The following KLF8 variants were observed in gnomAD, a reference collection of about 807,000 sequenced individuals.
KLF8 encodes the protein Krueppel-like factor 8.
Under a neutral mutation model 18.2 loss-of-function variants are expected in KLF8, and 10 were observed. The observed-to-expected ratio is 0.55, with a 90% confidence interval of 0.34 to 0.93. The LOEUF is 0.93. KLF8 is among the 40% of genes least tolerant of loss of function. The pLI is 0.02. For synonymous variants in KLF8, 109 were observed against 97.3 expected, an observed-to-expected ratio of 1.12 and a Z score of -0.71; for missense variants, 264 against 277.9, an observed-to-expected ratio of 0.95 and a Z score of 0.36.
chrX:56,284,618 G>T lies in KLF8; in HGVS notation c.*124G>T. 1 of 502,609 alleles carries T rather than the reference G, an allele frequency of 2.0e-6. No homozygotes were observed. The allele number at this position is 502,609 out of a possible 1,213,427, so 41.4% of individuals were successfully genotyped here. On this transcript the variant is annotated 3_prime_UTR_variant, in exon 6 of 6. Coordinates refer to ENST00000468660, the MANE Select transcript of KLF8 (RefSeq NM_007250.5). The stretch of plus-strand genomic sequence containing the variant: ...GGGTTGAAGCAGCCCACTGAGCCAA[G>T]TTGAGGAGACTGGAGGAAAAGAGAG...
At chrX:56,055,215 G>T in the KLF8 span, among the ~76,000 whole-genome samples, 1 of 111,856 alleles carries the variant, frequency 8.9e-6, no homozygotes. Context: ...GGCTGGTAAT[G>T]GGCTTACTTT....
the KLF8 span, among the ~76,000 whole-genome samples, chrX:56,052,992 A>G: frequency 8.9e-6 from 1 of 111,960 alleles, no homozygotes; most frequent in Non-Finnish European, 1.9e-5. Flanking sequence ...TAAGCCCGTC[A>G]GAAAAGCGCA....
the KLF8 span, among the ~76,000 whole-genome samples, chrX:56,055,100 A>T: frequency 9.0e-6 from 1 of 111,485 alleles, no homozygotes; most frequent in African/African-American, 3.3e-5. Context: ...TGATATGTGT[A>T]CATTTGATCT....
the KLF8 span, among the ~76,000 whole-genome samples, chrX:55,993,178 G>C: frequency 3.6e-5 from 4 of 111,223 alleles, no homozygotes; most frequent in African/African-American, 6.5e-5. Flanking sequence ...TCTTGTTCTG[G>C]TTTTTTAGAA....
the KLF8 span, among the ~76,000 whole-genome samples, chrX:56,150,229 C>T: frequency 9.0e-6 from 1 of 111,478 alleles, no homozygotes; most frequent in African/African-American, 3.3e-5. Flanking sequence ...GAGATAGAGC[C>T]TTTAGTGAAG....
the KLF8 span, among the ~76,000 whole-genome samples, chrX:56,198,113 C>A: frequency 8.9e-6 from 1 of 111,839 alleles, no homozygotes; most frequent in African/African-American, 3.3e-5. Flanking sequence ...ATATTTAGGA[C>A]AAACCTACAG....
the KLF8 span, among the ~76,000 whole-genome samples, chrX:56,198,278 A>G: frequency 1.8e-5 from 2 of 111,889 alleles, no homozygotes; most frequent in Non-Finnish European, 3.8e-5. Context: ...TATTCAATTA[A>G]GAAAAGAGGA....
chrX:56,281,570 G>A (rs934437296), intron 5 of KLF8, among the ~76,000 whole-genome samples: 4 of 110,660 alleles, frequency 3.6e-5, no homozygotes, highest in Admixed American at 9.6e-5. Flanking sequence ...CATCACACCC[G>A]GCTAATTTTT....
the KLF8 span, among the ~76,000 whole-genome samples, chrX:56,148,970 G>C: frequency 8.9e-6 from 1 of 112,258 alleles, no homozygotes; most frequent in Non-Finnish European, 1.9e-5. Flanking sequence ...TATAAGCCCA[G>C]ACCCATGAAG....
At chrX:56,058,767 T>A in the KLF8 span, among the ~76,000 whole-genome samples, 217 of 111,438 alleles carry the variant, frequency 1.9e-3, no homozygotes, top group African/African-American at 6.9e-3. Flanking sequence ...GGCATTTGGG[T>A]TGGTCCCAAG....
the KLF8 span, among the ~76,000 whole-genome samples, chrX:56,107,878 T>C: frequency 8.9e-6 from 1 of 112,215 alleles, no homozygotes; most frequent in Non-Finnish European, 1.9e-5. Context: ...TCCTCTTTAA[T>C]TTCTTTTAGC....
At chrX:56,031,760 G>T in the KLF8 span, among the ~76,000 whole-genome samples, 1 of 111,423 alleles carries the variant, frequency 9.0e-6, no homozygotes, top group Non-Finnish European at 1.9e-5. Context: ...AGACACCGAG[G>T]TAGTGAAGGT....
chrX:56,190,372 A>T, the KLF8 span, among the ~76,000 whole-genome samples: 1 of 111,612 alleles, frequency 9.0e-6, no homozygotes, highest in Admixed American at 9.6e-5. Flanking sequence ...ACCCCAATAC[A>T]ATTAGAGCTG....
At chrX:56,260,861 C>A (rs2066873805) in intron 2 of KLF8, among the ~76,000 whole-genome samples, 1 of 111,838 alleles carries the variant, frequency 8.9e-6, no homozygotes, top group African/African-American at 3.2e-5. Context: ...GGAGCCTAGG[C>A]TTTATCGTGT....
chrX:56,110,176 G>A, the KLF8 span, among the ~76,000 whole-genome samples: 2 of 111,507 alleles, frequency 1.8e-5, no homozygotes, highest in Admixed American at 1.9e-4. Flanking sequence ...TCTTTATCTG[G>A]TCTATCATTG....
chrX:56,139,380 C>T, the KLF8 span, among the ~76,000 whole-genome samples: 3 of 111,877 alleles, frequency 2.7e-5, no homozygotes, highest in Non-Finnish European at 3.8e-5. Flanking sequence ...CTAGAGGCAT[C>T]ACAATACCTG....
the KLF8 span, among the ~76,000 whole-genome samples, chrX:56,199,069 C>A: frequency 8.9e-6 from 1 of 111,852 alleles, no homozygotes; most frequent in Non-Finnish European, 1.9e-5. Context: ...CCCTTCCTTA[C>A]AGCTTATAAA....
At chrX:56,189,095 G>A in the KLF8 span, among the ~76,000 whole-genome samples, 1 of 111,477 alleles carries the variant, frequency 9.0e-6, no homozygotes, top group Non-Finnish European at 1.9e-5. Context: ...CATACAAAAT[G>A]GGAGAAAATT....
intron 5 of KLF8, among the ~76,000 whole-genome samples, chrX:56,276,767 C>T (rs1037625358): frequency 9.0e-6 from 1 of 111,354 alleles, no homozygotes; most frequent in African/African-American, 3.3e-5. Context: ...CTATAACCTT[C>T]TTGTACTTGG....
Sources: gnomAD v4.1 joint callset for allele counts (sites outside exome capture counted in the v4.1 genomes callset) on GRCh38, gnomAD v4.1.1 for gene constraint, MANE v1.5 for transcripts, NCBI Gene and HGNC (gene_info 2026-07-23, HGNC 2026-07-21) for gene names.